The following MAPK8 variants were observed in gnomAD, a reference collection of about 807,000 sequenced individuals.
The protein encoded by MAPK8 is JUN N-terminal kinase.
A neutral mutation model predicts 52.9 loss-of-function variants in MAPK8; 13 were observed. The observed-to-expected ratio is 0.25, with a 90% CI of 0.16 to 0.39. The LOEUF (loss-of-function observed/expected upper bound fraction) is 0.39, where lower values mean the gene tolerates loss of function less well. Ranked by LOEUF, MAPK8 falls within the 10% of genes least tolerant of loss-of-function variation. MAPK8 has a pLI of 1.00. For synonymous variants in MAPK8, 191 were observed against 169.8 expected (o/e 1.12, Z -0.97); for missense variants, 300 against 519.2 (o/e 0.58, Z 4.10).
chr10:48,409,999 C>G, intron 4 of MAPK8, 31 bp from the exon 5 acceptor site: 1 of 1,605,418 alleles, frequency 6.2e-7, no homozygotes. Context: ...CTGCTGGACA[C>G]TTTAGCTGTT....
chr10:48,347,979 T>C (rs1044626537), intron 1 of MAPK8, among the ~76,000 whole-genome samples: 2 of 152,224 alleles, frequency 1.3e-5, no homozygotes, highest in African/African-American at 4.8e-5. Flanking sequence ...CCAACTGTCT[T>C]CCACAATAGT....
At chr10:48,374,144 A>G (rs1765978465) in intron 1 of MAPK8, among the ~76,000 whole-genome samples, 2 of 152,200 alleles carry the variant, frequency 1.3e-5, no homozygotes, top group African/African-American at 2.4e-5. Context: ...CTGAATGACT[A>G]CTGGAAAAAT....
intron 1 of MAPK8, among the ~76,000 whole-genome samples, chr10:48,389,125 T>C (rs1216422445): frequency 6.6e-6 from 1 of 152,264 alleles, no homozygotes; most frequent in East Asian, 1.9e-4. Context: ...TATTAATTAC[T>C]TAAAATATAG....
At chr10:48,347,683 T>C (rs965437603) in intron 1 of MAPK8, among the ~76,000 whole-genome samples, 1 of 152,182 alleles carries the variant, frequency 6.6e-6, no homozygotes, top group Non-Finnish European at 1.5e-5. Flanking sequence ...TTGCTGAGAA[T>C]GATGGTTTCC....
At chr10:48,321,615 T>C (rs1843004999) in intron 1 of MAPK8, among the ~76,000 whole-genome samples, 1 of 152,238 alleles carries the variant, frequency 6.6e-6, no homozygotes, top group South Asian at 2.1e-4. Context: ...AACTTCTGCA[T>C]TTTCTTCTGA....
chr10:48,419,836 ATAG>A (rs1283264042), intron 5 of MAPK8, among the ~76,000 whole-genome samples: 1 of 152,202 alleles, frequency 6.6e-6, no homozygotes. Flanking sequence ...TTCTTTTACT[ATAG>A]TAGTTTTTTT....
chr10:48,429,723 C>T (rs574610443), intron 10 of MAPK8, among the ~76,000 whole-genome samples: 1 of 152,126 alleles, frequency 6.6e-6, no homozygotes, highest in Non-Finnish European at 1.5e-5. Context: ...TCCTTCCAAG[C>T]CTTAAGTTAC....
At chr10:48,333,420 GAGAC>G (rs1252608670) in intron 1 of MAPK8, among the ~76,000 whole-genome samples, 3 of 152,230 alleles carry the variant, frequency 2.0e-5, no homozygotes, top group Admixed American at 6.5e-5. Flanking sequence ...CTACCCTTGA[GAGAC>G]AGGATTGAGA....
chr10:48,399,479 C>A (rs1194992018), intron 1 of MAPK8, among the ~76,000 whole-genome samples: 1 of 152,202 alleles, frequency 6.6e-6, no homozygotes, highest in African/African-American at 2.4e-5. Context: ...TATCCATGCT[C>A]ATCTGCCTGC....
At chr10:48,307,668 T>G (rs568805543) in intron 1 of MAPK8, among the ~76,000 whole-genome samples, 11 of 152,364 alleles carry the variant, frequency 7.2e-5, no homozygotes, top group Admixed American at 5.2e-4. Flanking sequence ...ACATGTTGAC[T>G]ACATGGCATT....
At chr10:48,379,825 T>C (rs893281395) in intron 1 of MAPK8, among the ~76,000 whole-genome samples, 7 of 151,860 alleles carry the variant, frequency 4.6e-5, no homozygotes, top group South Asian at 2.1e-4. Flanking sequence ...TCCATAGTTA[T>C]CTGAAACCTG....
intron 1 of MAPK8, among the ~76,000 whole-genome samples, chr10:48,312,349 C>G (rs988415606): frequency 1.3e-5 from 2 of 152,200 alleles, no homozygotes; most frequent in African/African-American, 4.8e-5. Context: ...TCAATCTCCT[C>G]TGTATTGAAG....
In MAPK8 at chr10:48,409,894, A is replaced by C. The variant is rs780976087; in HGVS notation, c.268A>C (p.Asn90His). ...VNHKNIIGLLNVFTPQKSLEE... is the reference protein window; with the variant it reads ...VNHKNIIGLLHVFTPQKSLEE... Reference sequence around the variant, plus strand: ...TTTATTATAGATAATTGGCCTTTTGAATGTTTTCACACCACAGAAATCCCT... The same window carrying C: ...TTTATTATAGATAATTGGCCTTTTGCATGTTTTCACACCACAGAAATCCCT... The change falls in exon 4 of 12, where the codon AAT becomes CAT. Residue 90 changes from asparagine (N) to histidine (H), a missense_variant. Around this residue, in one of 3 missense-constraint regions of MAPK8, gnomAD observed 147 missense variants for 328.1 expected, o/e 0.45. Transcript: ENST00000374189. 4.3e-6 allele frequency: 7 copies of C among 1,609,480 alleles called. No individual in the cohort carries two copies. Among genetic ancestry groups the C allele is most frequent in the Non-Finnish European group, 5.9e-6 (7 of 1,176,760 alleles).
At chr10:48,319,472 T>C (rs1412182015) in intron 1 of MAPK8, among the ~76,000 whole-genome samples, 1 of 152,060 alleles carries the variant, frequency 6.6e-6, no homozygotes, top group Non-Finnish European at 1.5e-5. Flanking sequence ...TTCTCTATAG[T>C]TTTGTTCATT....
At chr10:48,418,346 C>T (rs2043174924) in intron 5 of MAPK8, among the ~76,000 whole-genome samples, 1 of 152,198 alleles carries the variant, frequency 6.6e-6, no homozygotes, top group Non-Finnish European at 1.5e-5. Flanking sequence ...CTCAGCTGTA[C>T]TGAATAACAG....
At chr10:48,370,220 A>G (rs1848421824) in intron 1 of MAPK8, among the ~76,000 whole-genome samples, 1 of 152,136 alleles carries the variant, frequency 6.6e-6, no homozygotes, top group African/African-American at 2.4e-5. Context: ...TTCTCTAGGA[A>G]GAGGTTGGGA....
intron 1 of MAPK8, among the ~76,000 whole-genome samples, chr10:48,384,285 TTCACCAAAGAC>T (rs2041182824): frequency 6.6e-6 from 1 of 152,136 alleles, no homozygotes; most frequent in South Asian, 2.1e-4. Context: ...GAAAAGCACC[TTCACCAAAGAC>T]TTATGTAAAT....
In MAPK8 at chr10:48,437,470, GT is replaced by G. The variant is rs1355841941; in HGVS notation, c.*2442del. 5.9e-5 allele frequency: 9 copies of G among 151,948 alleles called. No individual in the cohort carries two copies. Among genetic ancestry groups the G allele is most frequent in the African/African-American group, 2.2e-4 (9 of 41,348 alleles). The allele number at this position is 151,948 out of a possible 1,614,324, so 9.4% of individuals were successfully genotyped here. ...ATTTTATATACTTAATATACTCACT[GT>G]CTTACTATCAGAAAGTTATTTTGAC... On this transcript the variant is annotated 3_prime_UTR_variant, in exon 12 of 12. Coordinates refer to ENST00000374189, the MANE Select transcript of MAPK8 (RefSeq NM_001323329.2).
intron 1 of MAPK8, among the ~76,000 whole-genome samples, chr10:48,367,363 T>C (rs1435259932): frequency 6.6e-6 from 1 of 151,130 alleles, no homozygotes; most frequent in Admixed American, 6.6e-5. Context: ...TGAGATCTTG[T>C]TTAAAAATTA....
Sources: allele counts gnomAD v4.1 joint callset (sites outside exome capture counted in the v4.1 genomes callset), GRCh38; gene constraint gnomAD v4.1.1; regional missense constraint gnomAD v4.1.1; transcripts MANE v1.5; gene names NCBI Gene and HGNC (gene_info 2026-07-23, HGNC 2026-07-21).